The following UBE2R2 variants were observed in gnomAD, a reference collection of about 807,000 sequenced individuals.
The protein encoded by UBE2R2 is ubiquitin-conjugating enzyme E2 R2.
In UBE2R2, 1 loss-of-function variant was observed where a neutral mutation model predicts 27.8. The ratio of observed to expected loss-of-function variants is 0.04; its 90% CI spans 0.01 to 0.17. The LOEUF (loss-of-function observed/expected upper bound fraction) is 0.17. UBE2R2 is among the 10% of genes least tolerant of loss of function. The probability of loss-of-function intolerance (pLI) is 1.00; values close to 1 mark genes in which losing one functional copy is unlikely to be tolerated. For missense variants in UBE2R2, 100 were observed against 291.0 expected (o/e 0.34, Z 4.78); for synonymous variants, 106 against 113.3 (o/e 0.94, Z 0.41).
At chr9:33,832,308 CA>C (rs112691327) in intron 1 of UBE2R2, among the ~76,000 whole-genome samples, 9 of 136,498 alleles carry the variant, frequency 6.6e-5, no homozygotes, top group Non-Finnish European at 8.0e-5. Context: ...AAATCTATCT[CA>C]AAAAAAAAAA....
chr9:33,884,997 C>G (rs973360025), intron 1 of UBE2R2, among the ~76,000 whole-genome samples: 6 of 152,162 alleles, frequency 3.9e-5, no homozygotes, highest in African/African-American at 1.4e-4. Flanking sequence ...GAATTCTCCA[C>G]TCAGCTTAGT....
At chr9:33,843,042 C>CTTTTTTT (rs71506139) in intron 1 of UBE2R2, among the ~76,000 whole-genome samples, 16 of 105,290 alleles carry the variant, frequency 1.5e-4, no homozygotes, top group East Asian at 1.1e-3. Context: ...AAACAGACCA[C>CTTTTTTT]TTTTTTTTTT....
intron 1 of UBE2R2, among the ~76,000 whole-genome samples, chr9:33,851,121 T>G (rs1027398328): frequency 2.0e-5 from 3 of 152,246 alleles, no homozygotes; most frequent in Non-Finnish European, 4.4e-5. Flanking sequence ...GCAAACATTG[T>G]AGTATGTTTG....
In UBE2R2 at chr9:33,900,155, T is replaced by G. The variant is rs975187403; in HGVS notation, c.265-19T>G. The G allele has an allele frequency of 3.8e-6, 6 of 1,596,430 alleles. No individual in the cohort carries two copies. The highest frequency in any genetic ancestry group is 1.7e-4 in the Middle Eastern group (1 of 6,022). On this transcript the variant is annotated intron_variant, in intron 2 of 4. Coordinates refer to ENST00000263228, the MANE Select transcript of UBE2R2 (RefSeq NM_017811.4). ...TCACTTTTTGAGTATTTACTGAATGTAATGTTTGTGTCTTGTAGAATGGAG... is the reference window on the plus strand; with the variant it reads ...TCACTTTTTGAGTATTTACTGAATGGAATGTTTGTGTCTTGTAGAATGGAG...
intron 2 of UBE2R2, among the ~76,000 whole-genome samples, chr9:33,889,503 C>A (rs779051458): frequency 3.8e-4 from 56 of 149,266 alleles, no homozygotes; most frequent in Non-Finnish European, 6.7e-4. Context: ...CGCACCCGGC[C>A]CTCTCTTGCC....
rs1410135834 is a variant in UBE2R2 at position 33,817,730 on chromosome 9, C to T, written c.-28C>T. On this transcript the variant is annotated 5_prime_UTR_variant, in exon 1 of 5. Transcript: ENST00000263228. Reference sequence around the variant, plus strand: ...GTGCGTGAGGACTGGGGCCCGGGCCCGGCGCCGCCGCCGCCGCCGCCGCCG... The same window carrying T: ...GTGCGTGAGGACTGGGGCCCGGGCCTGGCGCCGCCGCCGCCGCCGCCGCCG... 19 of 1,494,578 alleles carry T rather than the reference C, an allele frequency of 1.3e-5. No homozygotes were observed. The highest frequency in any genetic ancestry group is 4.5e-6 in the Non-Finnish European group (5 of 1,120,686). The allele number at this position is 1,494,578 out of a possible 1,614,324, so 92.6% of individuals were successfully genotyped here.
chr9:33,841,204 C>T (rs1042640929), intron 1 of UBE2R2, among the ~76,000 whole-genome samples: 4 of 152,088 alleles, frequency 2.6e-5, no homozygotes, highest in African/African-American at 7.2e-5. Context: ...TTCAGCCTCC[C>T]GAGTAGCTGG....
At chr9:33,840,357 G>A (rs1174433974) in intron 1 of UBE2R2, among the ~76,000 whole-genome samples, 1 of 152,018 alleles carries the variant, frequency 6.6e-6, no homozygotes, top group Non-Finnish European at 1.5e-5. Context: ...TACATTCTTA[G>A]ACATTATATT....
chr9:33,827,593 A>G (rs943674056), intron 1 of UBE2R2, among the ~76,000 whole-genome samples: 6 of 151,994 alleles, frequency 3.9e-5, no homozygotes, highest in Non-Finnish European at 5.9e-5. Flanking sequence ...GTAAGCTGAG[A>G]TTGCGCCATT....
At chr9:33,827,972 A>G (rs1220901244) in intron 1 of UBE2R2, among the ~76,000 whole-genome samples, 1 of 150,406 alleles carries the variant, frequency 6.6e-6, no homozygotes, top group East Asian at 1.9e-4. Context: ...CTCCCTCTCA[A>G]AAAAAAAATA....
At chr9:33,857,768 A>C (rs1368729069) in intron 1 of UBE2R2, among the ~76,000 whole-genome samples, 1 of 152,182 alleles carries the variant, frequency 6.6e-6, no homozygotes, top group Non-Finnish European at 1.5e-5. Flanking sequence ...GTTAACCTTT[A>C]TGCTTTTAAG....
intron 3 of UBE2R2, among the ~76,000 whole-genome samples, chr9:33,908,420 G>A (rs1033294948): frequency 6.6e-6 from 1 of 152,132 alleles, no homozygotes; most frequent in African/African-American, 2.4e-5. Flanking sequence ...GTTTGTATAG[G>A]AGGTGTGGCA....
intron 2 of UBE2R2, among the ~76,000 whole-genome samples, chr9:33,897,372 C>T (rs1822137717): frequency 6.8e-6 from 1 of 147,182 alleles, no homozygotes; most frequent in Non-Finnish European, 1.5e-5. Context: ...GGCTGGAGTA[C>T]AATGGTGTGA....
At chr9:33,872,116 G>A (rs1236359124) in intron 1 of UBE2R2, among the ~76,000 whole-genome samples, 2 of 151,758 alleles carry the variant, frequency 1.3e-5, no homozygotes, top group East Asian at 1.9e-4. Context: ...GCTGGGCATG[G>A]TGGCTCAAGC....
chr9:33,886,841 A>G (rs763020378), intron 1 of UBE2R2, 40 bp from the exon 2 acceptor site: 1 of 1,497,424 alleles, frequency 6.7e-7, no homozygotes, highest in Non-Finnish European at 9.1e-7. Context: ...TGAATAAGTT[A>G]TAGTCTCATT....
At chr9:33,887,426 T>A (rs756310197) in intron 2 of UBE2R2, among the ~76,000 whole-genome samples, 1 of 152,168 alleles carries the variant, frequency 6.6e-6, no homozygotes, top group Non-Finnish European at 1.5e-5. Context: ...TGCTGAACAT[T>A]TGGGAGGCTC....
At chr9:33,843,956 A>G (rs1820785440) in intron 1 of UBE2R2, among the ~76,000 whole-genome samples, 1 of 152,204 alleles carries the variant, frequency 6.6e-6, no homozygotes, top group Middle Eastern at 3.4e-3. Flanking sequence ...GGTATTATCA[A>G]CCTTGCAGTA....
chr9:33,860,328 C>T (rs1310087321), intron 1 of UBE2R2, among the ~76,000 whole-genome samples: 1 of 152,102 alleles, frequency 6.6e-6, no homozygotes, highest in African/African-American at 2.4e-5. Flanking sequence ...CATTTTCTGT[C>T]ATTAATTAGG....
chr9:33,865,336 C>T (rs1821337834), intron 1 of UBE2R2, among the ~76,000 whole-genome samples: 1 of 152,088 alleles, frequency 6.6e-6, no homozygotes, highest in Non-Finnish European at 1.5e-5. Context: ...TCCCGAGTAG[C>T]TGGGAGTGCA....
Sources: allele counts gnomAD v4.1 joint callset (sites outside exome capture counted in the v4.1 genomes callset), GRCh38; gene constraint gnomAD v4.1.1; transcripts MANE v1.5; gene names NCBI Gene and HGNC (gene_info 2026-07-23, HGNC 2026-07-21).